Variants in ANO3 observed in about 807,000 individuals in gnomAD.
ANO3 encodes anoctamin 3.
In ANO3, 99 loss-of-function variants were observed where a neutral mutation model predicts 144.8. That is an observed-to-expected ratio of 0.68 (90% confidence interval 0.58 to 0.81). The LOEUF is 0.81. Ranked by LOEUF, ANO3 falls within the 30% of genes least tolerant of loss-of-function variation. The pLI is 0.00. For synonymous variants in ANO3, 414 were observed against 392.6 expected (o/e 1.05, Z -0.64); for missense variants, 905 against 1,202.2 (o/e 0.75, Z 3.66).
chr11:26,605,245 C>G (rs1851903354), intron 17 of ANO3, among the ~76,000 whole-genome samples: 1 of 152,124 alleles, frequency 6.6e-6, no homozygotes, highest in Admixed American at 6.5e-5. Flanking sequence ...GTTGAACCAG[C>G]CTTGTATCCC....
chr11:26,632,121 G>A (rs1222765431), intron 18 of ANO3, among the ~76,000 whole-genome samples: 1 of 151,900 alleles, frequency 6.6e-6, no homozygotes, highest in Non-Finnish European at 1.5e-5. Flanking sequence ...GAACCCGGGA[G>A]GTGGAGGTTG....
intron 1 of ANO3, among the ~76,000 whole-genome samples, chr11:26,364,011 G>T (rs1252370362): frequency 2.0e-5 from 3 of 152,036 alleles, no homozygotes; most frequent in Admixed American, 2.0e-4. Flanking sequence ...TAGGGGTGAG[G>T]GTACATTAAT....
At chr11:26,611,475 C>T (rs1177755743) in intron 17 of ANO3, among the ~76,000 whole-genome samples, 1 of 152,052 alleles carries the variant, frequency 6.6e-6, no homozygotes, top group African/African-American at 2.4e-5. Flanking sequence ...AAAGGATACT[C>T]GATATGATCT....
intron 1 of ANO3, among the ~76,000 whole-genome samples, chr11:26,439,556 G>C (rs546158385): frequency 6.6e-6 from 1 of 152,168 alleles, no homozygotes; most frequent in Non-Finnish European, 1.5e-5. Context: ...ATGTTTGCAC[G>C]ACTCTGTGCA....
intron 1 of ANO3, among the ~76,000 whole-genome samples, chr11:26,438,610 A>AAAAAAAAAAAAAAAAAAAAAAAAC (rs1565024969): frequency 1.4e-5 from 1 of 73,850 alleles, no homozygotes; most frequent in Non-Finnish European, 2.5e-5. Context: ...AAAAAAAAAG[A>AAAAAAAAAAAAAAAAAAAAAAAAC]AAAAAAAAAA....
intron 1 of ANO3, among the ~76,000 whole-genome samples, chr11:26,230,092 C>T (rs1852357601): frequency 6.6e-6 from 1 of 152,160 alleles, no homozygotes. Flanking sequence ...GCCTAAAAAA[C>T]TTCAGCCTTC....
rs186776954 is a variant in ANO3, at chr11:26,295,372, A to T, written c.155-14273A>T. ...TCTCTACTAAAAATAAAAATAAAAA[A>T]AAATTAGCCGGGCTTAGTGGCGGGC... On this transcript the variant is annotated intron_variant, in intron 1 of 27. Transcript: ENST00000672621. Among the ~76,000 whole-genome samples, 456 of 152,034 alleles carry T rather than the reference A, an allele frequency of 3.0e-3. 3 individuals carry two copies. Among genetic ancestry groups the T allele is most frequent in the African/African-American group, 9.9e-3 (412 of 41,504 alleles).
At chr11:26,608,171 T>TG (rs1438729241) in intron 17 of ANO3, among the ~76,000 whole-genome samples, 1 of 152,246 alleles carries the variant, frequency 6.6e-6, no homozygotes, top group African/African-American at 2.4e-5. Context: ...CTGTTTGTTT[T>TG]TCTTTCAATG....
At chr11:26,449,857 C>T (rs1443361031) in intron 3 of ANO3, among the ~76,000 whole-genome samples, 1 of 151,880 alleles carries the variant, frequency 6.6e-6, no homozygotes, top group East Asian at 1.9e-4. Context: ...CGGGTTCAAG[C>T]AATTCTCCTG....
chr11:26,332,927 C>T (rs568262187), intron 1 of ANO3, among the ~76,000 whole-genome samples: 1 of 152,196 alleles, frequency 6.6e-6, no homozygotes, highest in African/African-American at 2.4e-5. Context: ...TTAGTTTCTC[C>T]CTCAAGTTTC....
intron 4 of ANO3, among the ~76,000 whole-genome samples, chr11:26,488,419 T>G (rs376494300): frequency 1.4e-4 from 21 of 151,746 alleles, no homozygotes; most frequent in African/African-American, 5.1e-4. Context: ...AATTTATTCC[T>G]TCTGGTGGGT....
At chr11:26,211,191 G>C (rs1851924954) in intron 1 of ANO3, among the ~76,000 whole-genome samples, 1 of 152,074 alleles carries the variant, frequency 6.6e-6, no homozygotes, top group Non-Finnish European at 1.5e-5. Flanking sequence ...ATAGAACTCA[G>C]GATGAAGAAA....
chr11:26,366,990 A>T (rs534939530), intron 1 of ANO3, among the ~76,000 whole-genome samples: 2 of 152,298 alleles, frequency 1.3e-5, no homozygotes, highest in African/African-American at 4.8e-5. Flanking sequence ...AAACCTGACA[A>T]AAACAAGAAA....
intron 6 of ANO3, among the ~76,000 whole-genome samples, chr11:26,520,615 A>G (rs1452815008): frequency 6.6e-6 from 1 of 152,126 alleles, no homozygotes; most frequent in African/African-American, 2.4e-5. Flanking sequence ...AGAAGAATAT[A>G]CTGTGACCAA....
chr11:26,282,770 T>C (rs1194779022), intron 1 of ANO3, among the ~76,000 whole-genome samples: 1 of 152,136 alleles, frequency 6.6e-6, no homozygotes, highest in Admixed American at 6.5e-5. Flanking sequence ...TAGTCTTAAA[T>C]TTGGGGAAAT....
chr11:26,388,615 T>G (rs901118592), intron 1 of ANO3, among the ~76,000 whole-genome samples: 2 of 152,170 alleles, frequency 1.3e-5, no homozygotes, highest in African/African-American at 2.4e-5. Context: ...ACTAATTGTT[T>G]TCTCATTCTA....
At chr11:26,525,543 T>C (rs1410346024) in intron 6 of ANO3, 92 bp from the exon 7 acceptor site, 7 of 1,009,638 alleles carry the variant, frequency 6.9e-6, no homozygotes, top group Admixed American at 2.2e-5. Context: ...ACTTGGAGTA[T>C]AGAAATGCTC....
At chr11:26,457,271 C>A (rs1859202908) in intron 3 of ANO3, among the ~76,000 whole-genome samples, 1 of 149,372 alleles carries the variant, frequency 6.7e-6, no homozygotes, top group Non-Finnish European at 1.5e-5. Context: ...TGCACATGTA[C>A]CCTAGAACTT....
intron 1 of ANO3, among the ~76,000 whole-genome samples, chr11:26,223,096 G>C (rs1391652512): frequency 6.7e-6 from 1 of 149,800 alleles, no homozygotes; most frequent in Non-Finnish European, 1.5e-5. Flanking sequence ...AGGCTTTTCT[G>C]CTCTGCTTCT....
Sources: allele counts gnomAD v4.1 joint callset (sites outside exome capture counted in the v4.1 genomes callset), GRCh38; gene constraint gnomAD v4.1.1; transcripts MANE v1.5; gene names NCBI Gene and HGNC (gene_info 2026-07-23, HGNC 2026-07-21).